The following CEP85L variants were observed in gnomAD, a reference collection of about 807,000 sequenced individuals.
The protein encoded by CEP85L is centrosomal protein 85L.
A neutral mutation model predicts 100.3 loss-of-function variants in CEP85L; 60 were observed. The observed-to-expected ratio is 0.60, with a 90% CI of 0.49 to 0.74. The LOEUF is 0.74. Among genes scored for constraint, CEP85L ranks in the 30% least tolerant of loss-of-function variants. The probability of loss-of-function intolerance (pLI) is 0.00; values close to 1 mark genes in which losing one functional copy is unlikely to be tolerated. For synonymous variants in CEP85L, 319 were observed against 322.7 expected (o/e 0.99, Z 0.12); for missense variants, 973 against 936.2 (o/e 1.04, Z -0.51).
chr6:118,585,779 T>C (rs1780822522), intron 2 of CEP85L, among the ~76,000 whole-genome samples: 2 of 152,132 alleles, frequency 1.3e-5, no homozygotes, highest in South Asian at 4.1e-4. Flanking sequence ...AAGTCTGTCT[T>C]AAAAATAATC....
chr6:118,577,195 G>A (rs961619963), intron 2 of CEP85L, among the ~76,000 whole-genome samples: 1 of 152,202 alleles, frequency 6.6e-6, no homozygotes, highest in Non-Finnish European at 1.5e-5. Context: ...CTAATGGGAT[G>A]CAGTGAATCT....
At chr6:118,625,860 C>T (rs933517844) in intron 2 of CEP85L, among the ~76,000 whole-genome samples, 1 of 152,102 alleles carries the variant, frequency 6.6e-6, no homozygotes, top group East Asian at 1.9e-4. Flanking sequence ...AATTTATTTC[C>T]TCTAGGATAA....
At chr6:118,578,564 A>G (rs1780379391) in intron 2 of CEP85L, among the ~76,000 whole-genome samples, 2 of 151,982 alleles carry the variant, frequency 1.3e-5, no homozygotes, top group Non-Finnish European at 2.9e-5. Flanking sequence ...ACTTGTCTCT[A>G]CTAAAAATAC....
intron 3 of CEP85L, among the ~76,000 whole-genome samples, chr6:118,550,360 T>C (rs897204451): frequency 1.3e-5 from 2 of 151,802 alleles, no homozygotes; most frequent in Admixed American, 1.3e-4. Flanking sequence ...ATTACACATG[T>C]ACACTAAATT....
At chr6:118,643,673 T>G (rs560624682) in intron 1 of CEP85L, among the ~76,000 whole-genome samples, 1 of 152,212 alleles carries the variant, frequency 6.6e-6, no homozygotes, top group East Asian at 1.9e-4. Flanking sequence ...TTAAACAATT[T>G]ACAGCAGGAG....
chr6:118,669,824 A>C (rs375700687), intron 1 of CEP85L, among the ~76,000 whole-genome samples: 19 of 151,568 alleles, frequency 1.3e-4, no homozygotes, highest in African/African-American at 3.4e-4. Flanking sequence ...ATAGAGAGGA[A>C]AGTTAGAGTT....
intron 2 of CEP85L, among the ~76,000 whole-genome samples, chr6:118,604,979 T>TA (rs1299594404): frequency 2.6e-5 from 4 of 152,196 alleles, no homozygotes; most frequent in Non-Finnish European, 5.9e-5. Context: ...TCTAAGCCAA[T>TA]CAATTAGAGC....
At chr6:118,585,632 C>T (rs1171721605) in intron 2 of CEP85L, among the ~76,000 whole-genome samples, 1 of 152,166 alleles carries the variant, frequency 6.6e-6, no homozygotes, top group Admixed American at 6.5e-5. Context: ...CCTTGACGGC[C>T]TCCAGCCAAT....
At chr6:118,558,909 T>A in intron 3 of CEP85L, 1 of 1,612,414 alleles carries the variant, frequency 6.2e-7, no homozygotes, top group East Asian at 2.2e-5. Flanking sequence ...AGACTTCCTG[T>A]CCTGCTGGTA....
upstream of CEP85L, chr6:118,651,634 C>G: frequency 1.0e-6 from 1 of 975,676 alleles, no homozygotes; most frequent in Non-Finnish European, 1.2e-6. Context: ...GCTGGGGCCG[C>G]GAGGGGGCGG....
chr6:118,574,547 C>T (rs1780103730), intron 2 of CEP85L, among the ~76,000 whole-genome samples: 1 of 152,200 alleles, frequency 6.6e-6, no homozygotes, highest in African/African-American at 2.4e-5. Flanking sequence ...GGGAAAGGGT[C>T]TCCAATCACC....
At chr6:118,477,166 C>T (rs1043609164) in intron 10 of CEP85L, among the ~76,000 whole-genome samples, 11 of 151,878 alleles carry the variant, frequency 7.2e-5, no homozygotes, top group Non-Finnish European at 1.3e-4. Context: ...TAAATAAGGG[C>T]GACATTTCTA....
intron 3 of CEP85L, among the ~76,000 whole-genome samples, chr6:118,532,748 A>G (rs1777366104): frequency 6.6e-6 from 1 of 152,172 alleles, no homozygotes; most frequent in Admixed American, 6.6e-5. Flanking sequence ...ACCTAAATCT[A>G]AAGAAAATAT....
intron 4 of CEP85L, among the ~76,000 whole-genome samples, chr6:118,512,131 A>G (rs1582946768): frequency 6.6e-6 from 1 of 152,182 alleles, no homozygotes; most frequent in South Asian, 2.1e-4. Context: ...TCTTAGAGAT[A>G]GGTAACTAAT....
intron 1 of CEP85L, among the ~76,000 whole-genome samples, chr6:118,687,205 G>A (rs1466922115): frequency 1.3e-5 from 2 of 152,106 alleles, no homozygotes; most frequent in East Asian, 1.9e-4. Flanking sequence ...ATCTAAAACA[G>A]CAGCCATATC....
At chr6:118,610,299 G>A (rs753861334) in intron 2 of CEP85L, among the ~76,000 whole-genome samples, 2 of 152,090 alleles carry the variant, frequency 1.3e-5, no homozygotes, top group Non-Finnish European at 2.9e-5. Flanking sequence ...AAAGCCAAGT[G>A]GGGTACCTAG....
chr6:118,595,784 A>C (rs114878774), intron 2 of CEP85L, among the ~76,000 whole-genome samples: 3,136 of 152,282 alleles, frequency 0.021, 79 homozygotes, highest in African/African-American at 0.061. Flanking sequence ...TCTTTTAAGA[A>C]TTTAAGTGCA....
chr6:118,562,908 G>C (rs1438547211), intron 3 of CEP85L, among the ~76,000 whole-genome samples: 1 of 152,136 alleles, frequency 6.6e-6, no homozygotes, highest in Non-Finnish European at 1.5e-5. Flanking sequence ...GGATACTGCC[G>C]TTACGTGTAG....
intron 1 of CEP85L, among the ~76,000 whole-genome samples, chr6:118,669,798 G>A (rs562710572): frequency 4.8e-4 from 73 of 151,810 alleles, no homozygotes; most frequent in Non-Finnish European, 6.6e-4. Context: ...GTGGAGTTGG[G>A]GTTTGGAGGC....
Sources: gnomAD v4.1 joint callset for allele counts (sites outside exome capture counted in the v4.1 genomes callset) on GRCh38, gnomAD v4.1.1 for gene constraint, MANE v1.5 for transcripts, NCBI Gene and HGNC (gene_info 2026-07-23, HGNC 2026-07-21) for gene names.